The following RBFOX1 variants were observed in gnomAD, a reference collection of about 807,000 sequenced individuals.
The protein encoded by RBFOX1 is RNA binding fox-1 homolog 1.
A neutral mutation model predicts 57.7 loss-of-function variants in RBFOX1; 8 were observed. That is an observed-to-expected ratio of 0.14 (90% CI 0.08 to 0.25). RBFOX1 has a LOEUF of 0.25. Ranked by LOEUF, RBFOX1 falls within the 10% of genes least tolerant of loss-of-function variation. The pLI, the probability that RBFOX1 is intolerant of heterozygous loss-of-function variation, is 1.00. For synonymous variants in RBFOX1, 326 were observed against 222.4 expected (o/e 1.47, Z -4.15); for missense variants, 611 against 548.5 (o/e 1.11, Z -1.14).
intron 4 of RBFOX1, among the ~76,000 whole-genome samples, chr16:7,085,452 C>G (rs2059846721): frequency 6.6e-6 from 1 of 152,074 alleles, no homozygotes; most frequent in Admixed American, 6.6e-5. Context: ...GATATATTGG[C>G]CAAATGAACT....
intron 1 of RBFOX1, among the ~76,000 whole-genome samples, chr16:6,215,043 A>AG (rs1271868932): frequency 3.3e-5 from 3 of 91,896 alleles, no homozygotes; most frequent in African/African-American, 8.5e-5. Context: ...GGAGAGGGAG[A>AG]GGGGAGAAGG....
In RBFOX1 at chr16:5,356,556, A is replaced by G. The variant is rs1488093693; in HGVS notation, c.220-110660A>G. ...ATTGTCAGTTTATTTCTAGGGCAAG[A>G]TTTTATCTCTCTGTTGTGTCCCTAG... On this transcript the variant is annotated intron_variant, in intron 1 of 2. Coordinates refer to the RBFOX1 transcript ENST00000585867. Among the ~76,000 whole-genome samples the G allele has an allele frequency of 3.9e-5, 6 of 152,160 alleles. No homozygotes were observed. In the East Asian group the frequency reaches 1.2e-3, roughly 29 times the overall value.
chr16:6,715,842 A>G (rs17141064), intron 3 of RBFOX1, among the ~76,000 whole-genome samples: 12,973 of 152,236 alleles, frequency 0.085, 815 homozygotes, highest in East Asian at 0.36. Flanking sequence ...TCATGAACCA[A>G]TACTGTCTGG....
chr16:6,887,955 C>A (rs919208615), intron 3 of RBFOX1, among the ~76,000 whole-genome samples: 2 of 152,124 alleles, frequency 1.3e-5, no homozygotes, highest in African/African-American at 4.8e-5. Context: ...AGCCACCACG[C>A]CTGTCCCATC....
chr16:6,623,305 A>G (rs1265648439), intron 2 of RBFOX1, among the ~76,000 whole-genome samples: 1 of 152,164 alleles, frequency 6.6e-6, no homozygotes, highest in African/African-American at 2.4e-5. Context: ...TAGCTGTTTC[A>G]GTGACAGTGG....
chr16:6,944,444 C>T (rs897979780), intron 3 of RBFOX1, among the ~76,000 whole-genome samples: 10 of 151,956 alleles, frequency 6.6e-5, no homozygotes, highest in African/African-American at 2.2e-4. Context: ...AGACCACACC[C>T]TTGCTTGGCC....
intron 3 of RBFOX1, among the ~76,000 whole-genome samples, chr16:6,996,760 G>A (rs1019993415): frequency 7.2e-5 from 11 of 152,248 alleles, no homozygotes; most frequent in Admixed American, 2.0e-4. Context: ...TTTTCTACAT[G>A]TCAGATAGAG....
chr16:7,185,822 T>C (rs79685816), intron 4 of RBFOX1, among the ~76,000 whole-genome samples: 1 of 152,268 alleles, frequency 6.6e-6, no homozygotes, highest in Non-Finnish European at 1.5e-5. Flanking sequence ...GACTCTCAGG[T>C]ACTTGATGAA....
At chr16:7,416,862 C>T (rs1304766808) in intron 4 of RBFOX1, among the ~76,000 whole-genome samples, 2 of 152,124 alleles carry the variant, frequency 1.3e-5, no homozygotes, top group Admixed American at 6.5e-5. Flanking sequence ...CATATTATCT[C>T]ATTCAATCCC....
intron 3 of RBFOX1, among the ~76,000 whole-genome samples, chr16:6,785,444 G>A (rs1358148728): frequency 6.6e-6 from 1 of 152,068 alleles, no homozygotes; most frequent in Non-Finnish European, 1.5e-5. Flanking sequence ...TGATCCTTAG[G>A]AAGAATCTAG....
intron 1 of RBFOX1, among the ~76,000 whole-genome samples, chr16:6,082,903 A>G (rs1474225341): frequency 6.6e-6 from 1 of 152,178 alleles, no homozygotes; most frequent in Non-Finnish European, 1.5e-5. Flanking sequence ...CCTAGCCCAT[A>G]GCACCCCTGC....
chr16:5,355,962 G>C (rs1052492837), intron 1 of RBFOX1, among the ~76,000 whole-genome samples: 2 of 152,160 alleles, frequency 1.3e-5, no homozygotes, highest in Admixed American at 1.3e-4. Context: ...ATGGTGGCCC[G>C]TGCCTGTAAT....
chr16:6,441,488 C>T (rs1250780299), intron 2 of RBFOX1, among the ~76,000 whole-genome samples: 1 of 152,066 alleles, frequency 6.6e-6, no homozygotes, highest in Non-Finnish European at 1.5e-5. Flanking sequence ...GCAATCTCGG[C>T]CCACTGCAAC....
intron 3 of RBFOX1, among the ~76,000 whole-genome samples, chr16:6,910,653 C>T (rs1330957918): frequency 6.6e-6 from 1 of 152,148 alleles, no homozygotes; most frequent in African/African-American, 2.4e-5. Context: ...TTCTAGAGGC[C>T]ACCTGGATTA....
At chr16:7,593,519 C>T (rs774363484) in intron 7 of RBFOX1, among the ~76,000 whole-genome samples, 1 of 152,178 alleles carries the variant, frequency 6.6e-6, no homozygotes, top group Admixed American at 6.5e-5. Context: ...ATAATTCAGG[C>T]TTATCCTAAT....
At chr16:5,973,233 T>C (rs1292892331) in intron 4 of RBFOX1, among the ~76,000 whole-genome samples, 1 of 152,204 alleles carries the variant, frequency 6.6e-6, no homozygotes, top group Non-Finnish European at 1.5e-5. Flanking sequence ...AAGGAGGTAT[T>C]GGAAAATATA....
intron 1 of RBFOX1, among the ~76,000 whole-genome samples, chr16:6,262,365 T>C (rs1340769202): frequency 6.6e-6 from 1 of 152,046 alleles, no homozygotes; most frequent in Non-Finnish European, 1.5e-5. Flanking sequence ...AAAGGAGGCT[T>C]GGAAAAAAGT....
intron 1 of RBFOX1, among the ~76,000 whole-genome samples, chr16:5,277,393 A>C (rs1309118170): frequency 1.3e-5 from 2 of 152,222 alleles, no homozygotes; most frequent in Non-Finnish European, 2.9e-5. Context: ...AGAGATCACC[A>C]CTGAAGAACT....
At chr16:5,361,494 C>G (rs1401369174) in intron 1 of RBFOX1, among the ~76,000 whole-genome samples, 3 of 152,152 alleles carry the variant, frequency 2.0e-5, no homozygotes, top group Non-Finnish European at 2.9e-5. Flanking sequence ...ATAAACTACT[C>G]AGGGTGTGGC....
Sources: allele counts gnomAD v4.1 joint callset (sites outside exome capture counted in the v4.1 genomes callset), GRCh38; gene constraint gnomAD v4.1.1; transcripts MANE v1.5; gene names NCBI Gene and HGNC (gene_info 2026-07-23, HGNC 2026-07-21).